The following ADAM23 variants were observed in gnomAD, a reference collection of about 807,000 sequenced individuals.
ADAM23 encodes the protein ADAM metallopeptidase domain 23.
In ADAM23, 33 loss-of-function variants were observed where a neutral mutation model predicts 120.1. That is an observed-to-expected ratio of 0.27 (90% CI 0.21 to 0.37). The LOEUF is 0.37. ADAM23 is among the 10% of genes least tolerant of loss of function. The pLI is 1.00. For synonymous variants in ADAM23, 367 were observed against 375.2 expected (o/e 0.98, Z 0.25); for missense variants, 862 against 1,058.2 (o/e 0.81, Z 2.57).
chr2:206,474,022 A>C (rs1419814110), intron 2 of ADAM23, among the ~76,000 whole-genome samples: 2 of 148,342 alleles, frequency 1.3e-5, no homozygotes, highest in East Asian at 1.9e-4. Flanking sequence ...AAAAAAAAAA[A>C]AACAAAAAAA....
intron 24 of ADAM23, among the ~76,000 whole-genome samples, chr2:206,600,264 G>A (rs1698614807): frequency 1.3e-5 from 2 of 152,306 alleles, no homozygotes; most frequent in South Asian, 4.1e-4. Context: ...GGTTTGGTTG[G>A]CACCTGCCTG....
At chr2:206,589,075 A>G (rs996986639) in intron 20 of ADAM23, among the ~76,000 whole-genome samples, 1 of 152,218 alleles carries the variant, frequency 6.6e-6, no homozygotes, top group African/African-American at 2.4e-5. Flanking sequence ...CCTGCTGATA[A>G]TCATTCGCAC....
chr2:206,593,192 T>G (rs936766236), intron 22 of ADAM23, among the ~76,000 whole-genome samples: 1 of 152,220 alleles, frequency 6.6e-6, no homozygotes, highest in Non-Finnish European at 1.5e-5. Context: ...ATTAAAATAG[T>G]ATGTATACCG....
chr2:206,617,373 G>A (rs539980510), intron 25 of ADAM23, among the ~76,000 whole-genome samples: 2 of 152,314 alleles, frequency 1.3e-5, no homozygotes, highest in East Asian at 3.9e-4. Context: ...ACATACTCTA[G>A]GGGGTATGTT....
chr2:206,465,300 G>A (rs529401507), intron 2 of ADAM23, among the ~76,000 whole-genome samples: 3 of 152,180 alleles, frequency 2.0e-5, no homozygotes, highest in African/African-American at 7.2e-5. Context: ...TCAGCCTCCC[G>A]AAGAATTGAG....
At chr2:206,532,279 A>G (rs1697080092) in intron 4 of ADAM23, among the ~76,000 whole-genome samples, 1 of 151,982 alleles carries the variant, frequency 6.6e-6, no homozygotes, top group Admixed American at 6.6e-5. Flanking sequence ...CCACATTTGC[A>G]GGACACAGAA....
chr2:206,561,364 T>G, intron 12 of ADAM23, 152 bp downstream of exon 12: 1 of 679,924 alleles, frequency 1.5e-6, no homozygotes, highest in Non-Finnish European at 2.5e-6. Context: ...CCCAACGTGG[T>G]CCTTTTGGTT....
intron 15 of ADAM23, among the ~76,000 whole-genome samples, chr2:206,569,444 T>C (rs4673357): frequency 6.6e-6 from 1 of 152,198 alleles, no homozygotes; most frequent in African/African-American, 2.4e-5. Flanking sequence ...AGTGACTTTT[T>C]CCCCCAAGCG....
At chr2:206,600,094 C>T (rs1200206684) in intron 24 of ADAM23, among the ~76,000 whole-genome samples, 11 of 152,086 alleles carry the variant, frequency 7.2e-5, no homozygotes, top group Non-Finnish European at 1.5e-5. Context: ...CCCAGCTACT[C>T]GGGAGGCTGA....
chr2:206,582,240 T>A (rs1336206852), intron 18 of ADAM23, among the ~76,000 whole-genome samples: 1 of 152,210 alleles, frequency 6.6e-6, no homozygotes, highest in East Asian at 1.9e-4. Flanking sequence ...TAGGTGCATA[T>A]ATGTTTAGGA....
In ADAM23 at chr2:206,617,659, C is replaced by T; in HGVS notation, c.*32C>T. The T allele has an allele frequency of 1.2e-6, 2 of 1,612,268 alleles. No individual in the cohort carries two copies. The highest frequency in any genetic ancestry group is 2.2e-5 in the East Asian group (1 of 44,790). ...TGCGCTGGATGGACACCGCCTTGCA[C>T]TGTTGGATTCTGGGTATGACATACT... On this transcript the variant is annotated 3_prime_UTR_variant, in exon 26 of 26. Transcript: ENST00000264377.
At chr2:206,612,311 A>G (rs899488408) in intron 25 of ADAM23, among the ~76,000 whole-genome samples, 3 of 152,190 alleles carry the variant, frequency 2.0e-5, no homozygotes, top group African/African-American at 7.2e-5. Flanking sequence ...AGTTCTGGAG[A>G]TTACTAGTCT....
intron 3 of ADAM23, among the ~76,000 whole-genome samples, chr2:206,487,251 T>C (rs746086757): frequency 7.9e-5 from 12 of 152,208 alleles, no homozygotes; most frequent in Non-Finnish European, 1.5e-4. Context: ...ATGGAACTTA[T>C]GATCTGGTGA....
In ADAM23 at chr2:206,543,330, A is replaced by G; in HGVS notation, c.720+14A>G. 4 of 1,610,040 alleles carry G rather than the reference A, an allele frequency of 2.5e-6. No individual in the cohort carries two copies. Among genetic ancestry groups the G allele is most frequent in the South Asian group, 1.1e-5 (1 of 90,828 alleles). On this transcript the variant is annotated intron_variant, in intron 6 of 25. Coordinates refer to ENST00000264377, the MANE Select transcript of ADAM23 (RefSeq NM_003812.4). ...GTTCATGATGAGGTGAGTCTATGCC[A>G]TCAGTTGCCTGATGGCGTTCTACTC... is the stretch of plus-strand genomic sequence containing the variant.
chr2:206,588,241 A>T, intron 20 of ADAM23, 87 bp downstream of exon 20: 1 of 1,398,280 alleles, frequency 7.2e-7, no homozygotes, highest in Non-Finnish European at 1.0e-6. Flanking sequence ...AGAGAGATGC[A>T]CAGCTTGGAG....
Position 206,599,327 on chromosome 2 carries a change from T to TA in ADAM23, c.2359+3170dup, listed in dbSNP as rs1434272340. On this transcript the variant is annotated intron_variant, in intron 24 of 25. Transcript: ENST00000264377. The stretch of plus-strand genomic sequence containing the variant: ...AGTTATCTATTGGTTCTAAAATTAT[T>TA]AAAAACCTTATGAATCTCTAATAAT... Among the ~76,000 whole-genome samples the TA allele has an allele frequency of 3.3e-5, 5 of 152,292 alleles. No individual in the cohort carries two copies. In the South Asian group the frequency reaches 6.2e-4, roughly 19 times the overall value.
chr2:206,468,080 T>G (rs1695578820), intron 2 of ADAM23, among the ~76,000 whole-genome samples: 1 of 152,188 alleles, frequency 6.6e-6, no homozygotes, highest in Non-Finnish European at 1.5e-5. Context: ...TCTTCCCTCC[T>G]AGGCCTCTGG....
intron 24 of ADAM23, among the ~76,000 whole-genome samples, chr2:206,603,163 G>A (rs909008239): frequency 2.0e-5 from 3 of 151,990 alleles, no homozygotes; most frequent in Non-Finnish European, 4.4e-5. Context: ...ATAAATTACA[G>A]AATAGATAAA....
chr2:206,519,710 T>C (rs1696806535), intron 3 of ADAM23, among the ~76,000 whole-genome samples: 1 of 152,112 alleles, frequency 6.6e-6, no homozygotes, highest in Non-Finnish European at 1.5e-5. Context: ...CTTAAACATA[T>C]CTACTATTTA....
Sources: allele counts gnomAD v4.1 joint callset (sites outside exome capture counted in the v4.1 genomes callset), GRCh38; gene constraint gnomAD v4.1.1; transcripts MANE v1.5; gene names NCBI Gene and HGNC (gene_info 2026-07-23, HGNC 2026-07-21).